Variants in ADAM10 observed in about 807,000 individuals in gnomAD.
ADAM10 encodes the protein ADAM metallopeptidase domain 10.
A neutral mutation model predicts 90.1 loss-of-function variants in ADAM10; 17 were observed. The observed-to-expected ratio is 0.19, with a 90% CI of 0.13 to 0.28. The LOEUF (loss-of-function observed/expected upper bound fraction) is 0.28. Ranked by LOEUF, ADAM10 falls within the 10% of genes least tolerant of loss-of-function variation. ADAM10 has a pLI of 1.00. For synonymous variants in ADAM10, 310 were observed against 298.6 expected, an observed-to-expected ratio of 1.04 and a Z score of -0.40; for missense variants, 610 against 914.3, an observed-to-expected ratio of 0.67 and a Z score of 4.29.
chr15:58,630,192 T>C (rs1420760848), intron 9 of ADAM10, among the ~76,000 whole-genome samples: 5 of 152,326 alleles, frequency 3.3e-5, no homozygotes, highest in Non-Finnish European at 2.9e-5. Context: ...TGTAGGGCCA[T>C]CTAGGCTGCT....
chr15:58,623,964 G>A lies in ADAM10; in HGVS notation c.1361-2343C>T, dbSNP rs1050167089. 4.0e-5 allele frequency among the ~76,000 whole-genome samples: 6 copies of A among 148,250 alleles called. No homozygotes were observed. In the East Asian group the frequency reaches 6.3e-4, roughly 15 times the overall value. ...CCTACACATTCTGCACTTGTATCCC[G>A]GAACTTAAAGTGAAATTTAAAAAAA... On this transcript the variant is annotated intron_variant, in intron 10 of 15. Coordinates refer to ENST00000260408, the MANE Select transcript of ADAM10 (RefSeq NM_001110.4).
At position 58,682,306 on chromosome 15, in the gene ADAM10, T is replaced by C. The variant is rs1596063049; in HGVS notation, c.215A>G (p.Asn72Ser). The C allele has an allele frequency of 3.1e-6, 5 of 1,612,130 alleles. No homozygotes were observed. Among genetic ancestry groups the C allele is most frequent in the Non-Finnish European group, 4.2e-6 (5 of 1,179,176 alleles). Residue 72 changes from asparagine (N) to serine (S), a missense_variant, in exon 3 of 16, where the codon AAC becomes AGC. By Grantham distance (46) the Asn-to-Ser change is conservative (BLOSUM62 1). This residue lies in a region of ADAM10 where 310 missense variants were observed against 362.4 expected (regional missense o/e 0.86). Transcript: ENST00000260408. ...LDFHAHGRHF[N>S]LRMKRDTSLF... ...GGAAGTGTCCCTCTTCATTCGTAGG[T>C]TGAAATGTCTGTAAAATGGGATGGG...
intron 1 of ADAM10, among the ~76,000 whole-genome samples, chr15:58,741,767 G>A (rs1273635189): frequency 1.3e-5 from 2 of 151,928 alleles, no homozygotes; most frequent in Non-Finnish European, 2.9e-5. Context: ...TCTAATCCAA[G>A]ACTCAATCAC....
chr15:58,618,065 C>A (rs1377347426), intron 11 of ADAM10, among the ~76,000 whole-genome samples: 2 of 152,054 alleles, frequency 1.3e-5, no homozygotes, highest in East Asian at 3.9e-4. Flanking sequence ...TATGAAACCA[C>A]AGAAGCCAAT....
chr15:58,631,410 T>C (rs1896096181), intron 9 of ADAM10, among the ~76,000 whole-genome samples: 1 of 151,940 alleles, frequency 6.6e-6, no homozygotes, highest in Admixed American at 6.6e-5. Flanking sequence ...ATTAATTGAA[T>C]AAAAACATCT....
chr15:58,655,673 C>CTATATATCATAT (rs1896790957), intron 5 of ADAM10, among the ~76,000 whole-genome samples: 1 of 81,046 alleles, frequency 1.2e-5, no homozygotes, highest in South Asian at 4.4e-4. Context: ...TACATACATA[C>CTATATATCATAT]ATACATATAT....
rs528119662 is a variant in ADAM10, at chr15:58,672,675, GAT to G, written c.484+6447_484+6448del. ...GTGATGTTTCAAAGAAACTGGGAAA[GAT>G]GTGGATATGGTGCATATGACAAGCA... On this transcript the variant is annotated intron_variant, in intron 4 of 15. Transcript: ENST00000260408. 1.4e-3 allele frequency: 213 copies of G among 151,038 alleles called. 1 individual carries two copies. The highest frequency in any genetic ancestry group is 4.8e-3 in the African/African-American group (196 of 41,244). The allele number at this position is 151,038 out of a possible 1,614,324, so 9.4% of individuals were successfully genotyped here. A position where few individuals can be genotyped will look rare whatever the true frequency, so the allele number is the denominator to read the frequency against.
intron 5 of ADAM10, among the ~76,000 whole-genome samples, chr15:58,652,484 T>G (rs1242722449): frequency 1.3e-5 from 2 of 152,182 alleles, no homozygotes; most frequent in African/African-American, 4.8e-5. Flanking sequence ...CCAGCACCAT[T>G]TATTGAAGAG....
rs1436623850 is a variant in ADAM10, at chr15:58,667,618, A to ATAT, written c.485-2424_485-2422dup. 2.7e-4 allele frequency among the ~76,000 whole-genome samples: 41 copies of ATAT among 152,154 alleles called. 1 individual carries two copies. Among genetic ancestry groups the ATAT allele is most frequent in the Non-Finnish European group, 1.5e-4 (10 of 68,008 alleles). ...AAAATAGAATGACTTCTATAGAATA[A>ATAT]TATTATTATGCATAAAAATTATTTT... On this transcript the variant is annotated intron_variant, in intron 4 of 15. Coordinates refer to ENST00000260408, the MANE Select transcript of ADAM10 (RefSeq NM_001110.4).
intron 11 of ADAM10, 129 bp downstream of exon 11, chr15:58,621,342 G>A (rs1595999161): frequency 1.1e-6 from 1 of 895,258 alleles, no homozygotes; most frequent in Non-Finnish European, 1.6e-6. Flanking sequence ...TTCAGAAAAA[G>A]AAAACAAACA....
At chr15:58,676,328 C>G in intron 4 of ADAM10, 1 of 455,274 alleles carries the variant, frequency 2.2e-6, no homozygotes. Context: ...GCCAGTATCT[C>G]ATAACGTTAT....
rs1402183694 is a variant in ADAM10, at chr15:58,590,877, C to T, written c.*6670G>A. On this transcript the variant is annotated 3_prime_UTR_variant, in exon 16 of 16. Coordinates refer to ENST00000260408, the MANE Select transcript of ADAM10 (RefSeq NM_001110.4). The stretch of plus-strand genomic sequence containing the variant: ...TGGAACCACTTTTTATATAAGACAA[C>T]CTACACTCTTATCAAATTATTCTCA... 1 of 152,084 alleles carries T rather than the reference C, an allele frequency of 6.6e-6. No homozygotes were observed. The highest frequency in any genetic ancestry group is 1.5e-5 in the Non-Finnish European group (1 of 68,012). 9.4% of individuals were successfully genotyped at this position (152,084 alleles called of 1,614,324 possible). A position where few individuals can be genotyped will look rare whatever the true frequency, so the allele number is the denominator to read the frequency against.
chr15:58,660,630 C>T (rs759704677), intron 5 of ADAM10, among the ~76,000 whole-genome samples: 6 of 152,142 alleles, frequency 3.9e-5, no homozygotes, highest in Non-Finnish European at 8.8e-5. Context: ...TACCACCTTG[C>T]TATTTATTTT....
rs1894975012 is a variant in ADAM10 at position 58,597,121 on chromosome 15, T to C, written c.*426A>G. 5.0e-6 allele frequency: 2 copies of C among 397,250 alleles called. No individual in the cohort carries two copies. The highest frequency in any genetic ancestry group is 9.3e-6 in the Non-Finnish European group (2 of 215,284). The allele number at this position is 397,250 out of a possible 1,614,324, so 24.6% of individuals were successfully genotyped here. A position where few individuals can be genotyped will look rare whatever the true frequency, so the allele number is the denominator to read the frequency against. On this transcript the variant is annotated 3_prime_UTR_variant, in exon 16 of 16. Transcript: ENST00000260408. The stretch of plus-strand genomic sequence containing the variant: ...ATAACAAGGTATGTACATTGGCAAG[T>C]GATGTCTCCAATGTTGAGGTGGTCG...
chr15:58,599,840 C>T, intron 14 of ADAM10, 116 bp from the exon 15 acceptor site: 2 of 1,084,672 alleles, frequency 1.8e-6, no homozygotes. Flanking sequence ...TTTTAAAGAA[C>T]ATTTGTTTAG....
chr15:58,682,195 C>A lies in ADAM10; in HGVS notation c.325+1G>T, dbSNP rs1433015049. On this transcript the variant is annotated splice_donor_variant, in intron 3 of 15. Coordinates refer to ENST00000260408, the MANE Select transcript of ADAM10 (RefSeq NM_001110.4). LOFTEE classifies it high-confidence loss of function. Reference sequence around the variant, plus strand: ...AAGGGTTCTGTTAAGGTCCAACTTACCATAAATATGTCCAGTGTAAATATG... The same window carrying A: ...AAGGGTTCTGTTAAGGTCCAACTTAACATAAATATGTCCAGTGTAAATATG... The A allele has an allele frequency of 6.2e-7, 1 of 1,611,450 alleles. No homozygotes were observed. The highest frequency in any genetic ancestry group is 1.3e-5 in the African/African-American group (1 of 74,766).
intron 9 of ADAM10, 31 bp downstream of exon 9, chr15:58,633,164 AT>A (rs1175425658): frequency 1.9e-6 from 3 of 1,573,528 alleles, no homozygotes; most frequent in Admixed American, 3.4e-5. Context: ...ACTAATAAGT[AT>A]TTTTTAAGCT....
Position 58,693,704 on chromosome 15 carries a change from A to T in ADAM10, c.207-11390T>A, listed in dbSNP as rs1214551446. On this transcript the variant is annotated intron_variant, in intron 2 of 15. Transcript: ENST00000260408. ...AAAAGCAAAAATCATAAAAGAAAAA[A>T]ATTTTTTCATTAAAAGGGCTTCTTA... 2.6e-5 allele frequency among the ~76,000 whole-genome samples: 4 copies of T among 151,464 alleles called. No individual in the cohort carries two copies. The East Asian group carries it at 7.8e-4, about 30-fold the overall frequency.
chr15:58,715,444 C>T (rs1898627121), intron 2 of ADAM10, among the ~76,000 whole-genome samples: 1 of 151,442 alleles, frequency 6.6e-6, no homozygotes, highest in South Asian at 2.1e-4. Flanking sequence ...CCTAAAATGA[C>T]CTGTATAAAT....
Sources: allele counts gnomAD v4.1 joint callset (sites outside exome capture counted in the v4.1 genomes callset), GRCh38; gene constraint gnomAD v4.1.1; regional missense constraint gnomAD v4.1.1; transcripts MANE v1.5; gene names NCBI Gene and HGNC (gene_info 2026-07-23, HGNC 2026-07-21).